PIK3R1: variants seen among roughly 807,000 people sequenced by gnomAD.
The protein encoded by PIK3R1 is phosphatidylinositol 3-kinase regulatory subunit alpha.
A neutral mutation model predicts 98.0 loss-of-function variants in PIK3R1; 29 were observed. The observed-to-expected ratio is 0.30, with a 90% CI of 0.22 to 0.40. The LOEUF (loss-of-function observed/expected upper bound fraction) is 0.40, where lower values mean the gene tolerates loss of function less well. Among genes scored for constraint, PIK3R1 ranks in the 10% least tolerant of loss-of-function variants. PIK3R1 has a pLI of 1.00. For missense variants in PIK3R1, 596 were observed against 872.7 expected, an observed-to-expected ratio of 0.68 and a Z score of 3.99; for synonymous variants, 282 against 311.8, an observed-to-expected ratio of 0.90 and a Z score of 1.01.
intron 8 of PIK3R1, chr5:68,292,848 G>A (rs959047589): frequency 1.8e-5 from 15 of 835,866 alleles, no homozygotes; most frequent in African/African-American, 1.6e-4. Context: ...AAAGTGATAT[G>A]CACCTGTTTG....
intron 2 of PIK3R1, among the ~76,000 whole-genome samples, chr5:68,263,132 GATAC>G (rs1327244596): frequency 3.9e-5 from 3 of 76,266 alleles, no homozygotes; most frequent in Non-Finnish European, 8.1e-5. Flanking sequence ...TAGATACATA[GATAC>G]ATATATATTT....
chr5:68,218,967 A>G (rs895544877), intron 1 of PIK3R1, among the ~76,000 whole-genome samples: 9 of 152,210 alleles, frequency 5.9e-5, no homozygotes, highest in Admixed American at 1.3e-4. Context: ...TCCTTTACGT[A>G]CACCCTAATG....
At chr5:68,244,211 T>A (rs1283028667) in intron 2 of PIK3R1, among the ~76,000 whole-genome samples, 1 of 152,136 alleles carries the variant, frequency 6.6e-6, no homozygotes, top group Non-Finnish European at 1.5e-5. Context: ...GAAAAAATAA[T>A]TGGATGCAGA....
intron 2 of PIK3R1, among the ~76,000 whole-genome samples, chr5:68,235,872 AT>A (rs56930555): frequency 0.031 from 4,497 of 146,636 alleles, 215 homozygotes; most frequent in African/African-American, 0.1. Flanking sequence ...TCTGCCAGGC[AT>A]TTTTTTTTTT....
Position 68,262,813 on chromosome 5 carries a change from ATG to A in PIK3R1, c.335-10575_335-10574del, listed in dbSNP as rs1211519638. 2.4e-5 allele frequency among the ~76,000 whole-genome samples: 2 copies of A among 82,824 alleles called. 1 individual carries two copies. The highest frequency in any genetic ancestry group is 4.9e-5 in the Non-Finnish European group (2 of 41,058). The allele number at this position is 82,824 out of a possible 152,430, so 54.3% of individuals were successfully genotyped here. On this transcript the variant is annotated intron_variant, in intron 2 of 15. Transcript: ENST00000521381. Reference sequence around the variant, plus strand: ...CATGTATACGTAGATACATGTATACATGTAGATACATGTAGATACATGTATAC... The same window carrying A: ...CATGTATACGTAGATACATGTATACATAGATACATGTAGATACATGTATAC...
chr5:68,266,930 A>C (rs144095703), intron 2 of PIK3R1, among the ~76,000 whole-genome samples: 360 of 152,252 alleles, frequency 2.4e-3, no homozygotes, highest in African/African-American at 8.1e-3. Flanking sequence ...CCTACCGCCC[A>C]CTGTGTGTCA....
At chr5:68,248,260 G>A (rs1745178746) in intron 2 of PIK3R1, among the ~76,000 whole-genome samples, 2 of 152,094 alleles carry the variant, frequency 1.3e-5, no homozygotes, top group Admixed American at 1.3e-4. Context: ...GGGATTACAG[G>A]CATGAGCCAC....
chr5:68,237,410 C>A (rs1439513793), intron 2 of PIK3R1, among the ~76,000 whole-genome samples: 2 of 152,010 alleles, frequency 1.3e-5, no homozygotes, highest in Non-Finnish European at 1.5e-5. Context: ...GTTTCTGTTA[C>A]CTGAATTCCA....
chr5:68,274,448 C>G (rs1479118174), intron 4 of PIK3R1, among the ~76,000 whole-genome samples: 2 of 152,134 alleles, frequency 1.3e-5, no homozygotes, highest in Non-Finnish European at 2.9e-5. Flanking sequence ...TTACCTTTCC[C>G]TTCCATTTTC....
rs1580217638 is a variant in PIK3R1, at chr5:68,262,611, A to ATACACATGTATCTGCATGTC, written c.335-10769_335-10768insTCTGCATGTCTACACATGTA. The stretch of plus-strand genomic sequence containing the variant: ...CATGTATCTGCATGTATACACATGT[A>ATACACATGTATCTGCATGTC]TACACATGTAGATGCATGTATACAC... On this transcript the variant is annotated intron_variant, in intron 2 of 15. Transcript: ENST00000521381. Among the ~76,000 whole-genome samples, 9 of 145,784 alleles carry ATACACATGTATCTGCATGTC rather than the reference A, an allele frequency of 6.2e-5. 1 individual carries two copies. The East Asian group carries it at 1.8e-3, about 29-fold the overall frequency.
At chr5:68,291,321 T>C (rs1747373385) in intron 7 of PIK3R1, 1 of 152,244 alleles carries the variant, frequency 6.6e-6, no homozygotes, top group Non-Finnish European at 1.5e-5. Flanking sequence ...TAAGATATTA[T>C]AATGAAAAAA....
chr5:68,287,113 G>A (rs1274700365), intron 7 of PIK3R1, among the ~76,000 whole-genome samples: 1 of 152,156 alleles, frequency 6.6e-6, no homozygotes, highest in Non-Finnish European at 1.5e-5. Context: ...GGCCTGTGTG[G>A]ACTTTATGTG....
intron 2 of PIK3R1, among the ~76,000 whole-genome samples, chr5:68,263,229 C>G (rs575767134): frequency 7.5e-6 from 1 of 132,954 alleles, no homozygotes; most frequent in Admixed American, 7.3e-5. Context: ...ACATATATAT[C>G]TATATATGTA....
At chr5:68,256,537 G>T (rs1468091128) in intron 2 of PIK3R1, among the ~76,000 whole-genome samples, 1 of 152,114 alleles carries the variant, frequency 6.6e-6, no homozygotes, top group Admixed American at 6.5e-5. Context: ...GCAACATTTT[G>T]TAATTTTTTA....
chr5:68,290,323 CT>C (rs1164777570), intron 7 of PIK3R1, among the ~76,000 whole-genome samples: 2 of 152,188 alleles, frequency 1.3e-5, no homozygotes, highest in Non-Finnish European at 2.9e-5. Flanking sequence ...CCCAGATGCA[CT>C]AAGTGGGGAG....
intron 7 of PIK3R1, among the ~76,000 whole-genome samples, chr5:68,285,775 C>T (rs772255936): frequency 1.3e-5 from 2 of 152,138 alleles, no homozygotes; most frequent in Admixed American, 6.5e-5. Flanking sequence ...TTTATACATA[C>T]GTAAACCTGG....
chr5:68,242,184 A>C (rs568034565), intron 2 of PIK3R1, among the ~76,000 whole-genome samples: 117 of 152,368 alleles, frequency 7.7e-4, no homozygotes, highest in African/African-American at 2.5e-3. Context: ...TAGCAATTCC[A>C]ACCTAGAAAA....
intron 2 of PIK3R1, among the ~76,000 whole-genome samples, chr5:68,230,089 C>CT (rs1250244856): frequency 6.6e-6 from 1 of 152,196 alleles, no homozygotes; most frequent in Non-Finnish European, 1.5e-5. Flanking sequence ...TGGAGCTGTG[C>CT]TTTTTCTCCT....
chr5:68,262,936 T>G (rs1361742982), intron 2 of PIK3R1, among the ~76,000 whole-genome samples: 11 of 32,316 alleles, frequency 3.4e-4, no homozygotes, highest in African/African-American at 1.3e-3. Flanking sequence ...TGTATACATA[T>G]ATACATGTAG....
Sources: gnomAD v4.1 joint callset for allele counts (sites outside exome capture counted in the v4.1 genomes callset) on GRCh38, gnomAD v4.1.1 for gene constraint, MANE v1.5 for transcripts, NCBI Gene and HGNC (gene_info 2026-07-23, HGNC 2026-07-21) for gene names.